The following CSAD variants were observed in gnomAD, a reference collection of about 807,000 sequenced individuals.
The protein encoded by CSAD is cysteine sulfinic acid decarboxylase.
In CSAD, 47 loss-of-function variants were observed where a neutral mutation model predicts 61.5. That is an observed-to-expected ratio of 0.76 (90% CI 0.60 to 0.97). CSAD has a LOEUF of 0.97. Among genes scored for constraint, CSAD ranks in the 50% least tolerant of loss-of-function variants. The probability of loss-of-function intolerance (pLI) is 0.00; values close to 1 mark genes in which losing one functional copy is unlikely to be tolerated. For missense variants in CSAD, 611 were observed against 643.6 expected, an observed-to-expected ratio of 0.95 and a Z score of 0.55; for synonymous variants, 245 against 252.7, an observed-to-expected ratio of 0.97 and a Z score of 0.29.
At chr12:53,180,454 G>A in intron 1 of CSAD, 1 of 1,189,642 alleles carries the variant, frequency 8.4e-7, no homozygotes, top group South Asian at 1.5e-5. Flanking sequence ...TCGAAGGGCC[G>A]AGGGTCCTGC....
At chr12:53,179,853 C>G (rs1941430851) in intron 1 of CSAD, 1 of 1,613,450 alleles carries the variant, frequency 6.2e-7, no homozygotes. Context: ...AGCAGGACCT[C>G]TCTCTAATGG....
chr12:53,180,592 C>G (rs1248954468), intron 1 of CSAD, 140 bp downstream of exon 1: 5 of 1,285,270 alleles, frequency 3.9e-6, no homozygotes, highest in Non-Finnish European at 5.1e-6. Flanking sequence ...CGTGCGTCCC[C>G]AAGCTCACCC....
Position 53,171,350 on chromosome 12 carries a change from G to C in CSAD, c.543C>G (p.Pro181=), listed in dbSNP as rs553179005. The C allele has an allele frequency of 5.0e-6, 8 of 1,613,964 alleles. No homozygotes were observed. The highest frequency in any genetic ancestry group is 5.9e-6 in the Non-Finnish European group (7 of 1,180,042). The change falls in exon 8 of 17, where the codon CCC becomes CCG. Residue 181 remains proline (P), a synonymous_variant. Coordinates refer to ENST00000444623, the MANE Select transcript of CSAD (RefSeq NM_001244705.2). ...CKQRGLRTLP[P]LALFTSKECH... is the part of the protein sequence containing the mutation. ...CCTCCTTCGATGTGAATAGGGCCAGGGGCGGCAGTGTGCGGAGGCCCCTCT... is the reference window on the plus strand; with the variant it reads ...CCTCCTTCGATGTGAATAGGGCCAGCGGCGGCAGTGTGCGGAGGCCCCTCT...
In CSAD at chr12:53,161,287, A is replaced by G. The variant is rs757648008; in HGVS notation, c.805T>C (p.Trp269Arg). 8.7e-6 allele frequency: 14 copies of G among 1,614,034 alleles called. No homozygotes were observed. In the South Asian group the frequency reaches 8.8e-5, roughly 10 times the overall value. ...GTCCCACTCACATCCACATGCAGCC[A>G]TAGCCCATGACGCTGGCACACATCA... ...IADVCQRHGL[W>R]LHVDAAWGGS... is the part of the protein sequence containing the mutation. The change falls in exon 11 of 17, where the codon TGG becomes CGG. Residue 269 changes from tryptophan to arginine, a missense_variant. Physicochemically the swap from Trp to Arg is moderately radical, Grantham distance 101 (BLOSUM62 -3). Coordinates refer to ENST00000444623, the MANE Select transcript of CSAD (RefSeq NM_001244705.2).
At chr12:53,173,798 AG>A (rs772963613) in intron 2 of CSAD, 28 bp from the exon 3 acceptor site, 1 of 1,611,820 alleles carries the variant, frequency 6.2e-7, no homozygotes, top group African/African-American at 1.3e-5. Flanking sequence ...AAGATGGCAG[AG>A]GAAGTGGGGT....
intron 1 of CSAD, 48 bp downstream of exon 1, chr12:53,180,684 G>A (rs759725970): frequency 7.8e-7 from 1 of 1,275,122 alleles, no homozygotes; most frequent in Admixed American, 2.4e-5. Flanking sequence ...AGGGGGAGGG[G>A]GAAGTGCTTC....
intron 9 of CSAD, 135 bp from the exon 10 acceptor site, chr12:53,170,261 G>A (rs983868549): frequency 2.0e-6 from 2 of 990,854 alleles, no homozygotes; most frequent in East Asian, 2.5e-5. Context: ...GGCAGAGGTG[G>A]GAGACGCTGG....
At chr12:53,177,605 C>T (rs80173054) in intron 2 of CSAD, among the ~76,000 whole-genome samples, 3,258 of 152,202 alleles carry the variant, frequency 0.021, 108 homozygotes, top group African/African-American at 0.074. Context: ...CCTAAGGCAA[C>T]AAAGCGTGGA....
chr12:53,171,586 C>A, intron 7 of CSAD, 145 bp from the exon 8 acceptor site: 1 of 758,740 alleles, frequency 1.3e-6, no homozygotes, highest in Non-Finnish European at 2.1e-6. Context: ...TCATACCATC[C>A]CAGAATGGAT....
intron 3 of CSAD, 102 bp downstream of exon 3, chr12:53,173,626 C>T (rs1940856494): frequency 1.3e-6 from 2 of 1,495,110 alleles, no homozygotes; most frequent in East Asian, 2.3e-5. Context: ...GTGAGAGTGC[C>T]CAGGGAGAAA....
At chr12:53,161,642 T>C (rs1939293304) in intron 10 of CSAD, among the ~76,000 whole-genome samples, 1 of 152,018 alleles carries the variant, frequency 6.6e-6, no homozygotes, top group Non-Finnish European at 1.5e-5. Context: ...ACTTGAATGT[T>C]TTACTGGAAG....
chr12:53,172,335 G>C lies in CSAD; in HGVS notation c.344+11C>G. 1 of 1,611,374 alleles carries C rather than the reference G, an allele frequency of 6.2e-7. No individual in the cohort carries two copies. Among genetic ancestry groups the C allele is most frequent in the Non-Finnish European group, 8.5e-7 (1 of 1,177,616 alleles). On this transcript the variant is annotated intron_variant, in intron 6 of 16. Coordinates refer to ENST00000444623, the MANE Select transcript of CSAD (RefSeq NM_001244705.2). ...CTTTGTGGGATGGTAGAGGGGCCTT[G>C]GGATGCTCACTGGCTGGTGTTGAGG...
In CSAD at chr12:53,170,506, T is replaced by G. The variant is rs747694060; in HGVS notation, c.568-4A>C. On this transcript the variant is annotated splice_polypyrimidine_tract_variant and splice_region_variant and intron_variant, in intron 8 of 16. Coordinates refer to ENST00000444623, the MANE Select transcript of CSAD (RefSeq NM_001244705.2). The stretch of plus-strand genomic sequence containing the variant: ...CCTTCTGGATGGAGTAGTGACACTG[T>G]GGGGGAAGGCAGAGGGCAAGTTAGC... 13 of 1,613,126 alleles carry G rather than the reference T, an allele frequency of 8.1e-6. No individual in the cohort carries two copies. The highest frequency in any genetic ancestry group is 1.1e-5 in the Non-Finnish European group (13 of 1,179,540).
At chr12:53,180,360 GA>G in intron 1 of CSAD, 2 of 985,358 alleles carry the variant, frequency 2.0e-6, no homozygotes, top group South Asian at 4.7e-5. Context: ...CCGCGAGGAA[GA>G]AAGAGTGACG....
rs916275664 is a variant in CSAD, at chr12:53,159,519, AC to A, written c.1308+103del. On this transcript the variant is annotated intron_variant, in intron 16 of 16. Coordinates refer to ENST00000444623, the MANE Select transcript of CSAD (RefSeq NM_001244705.2). ...GAGCATCCACGCCTCAGAGCAAGAG[AC>A]CAGCAAGGAGACCTGCCATGCCACT... is the stretch of plus-strand genomic sequence containing the variant. The A allele has an allele frequency of 2.7e-5, 24 of 892,528 alleles. No individual in the cohort carries two copies. The African/African-American group carries it at 3.8e-4, about 14-fold the overall frequency. 55.3% of individuals were successfully genotyped at this position (892,528 alleles called of 1,614,324 possible). A position where few individuals can be genotyped will look rare whatever the true frequency, so the allele number is the denominator to read the frequency against.
chr12:53,170,445 G>C lies in CSAD; in HGVS notation c.625C>G (p.Arg209Gly). 1 of 1,614,112 alleles carries C rather than the reference G, an allele frequency of 6.2e-7. No homozygotes were observed. Among genetic ancestry groups the C allele is most frequent in the Non-Finnish European group, 8.5e-7 (1 of 1,179,988 alleles). Residue 209 changes from arginine to glycine, a missense_variant, in exon 9 of 17, where the codon CGA becomes GGA. Physicochemically the swap from Arg to Gly is moderately radical, Grantham distance 125. Transcript: ENST00000444623. ...AFLGLGTDSV[R>G]VVKADERGKM... The stretch of plus-strand genomic sequence containing the variant: ...CACCTCTCATCAGCCTTGACCACTC[G>C]GACACTGTCGGTGCCAAGTCCCAGA...
intron 16 of CSAD, among the ~76,000 whole-genome samples, chr12:53,159,340 T>C (rs1675017603): frequency 6.6e-6 from 1 of 152,224 alleles, no homozygotes; most frequent in Admixed American, 6.5e-5. Flanking sequence ...CTGCCTCATA[T>C]CTGTCCTGGG....
chr12:53,179,546 G>C, intron 1 of CSAD: 2 of 506,134 alleles, frequency 4.0e-6, no homozygotes, highest in East Asian at 3.3e-5. Context: ...ACTTATTCCT[G>C]GTGATGTTTC....
chr12:53,163,039 C>A (rs577462510), intron 10 of CSAD, among the ~76,000 whole-genome samples: 4 of 145,216 alleles, frequency 2.8e-5, no homozygotes, highest in African/African-American at 1.0e-4. Context: ...TCAGCCTGGG[C>A]AACAAGAGCA....
Sources: allele counts gnomAD v4.1 joint callset (sites outside exome capture counted in the v4.1 genomes callset), GRCh38; gene constraint gnomAD v4.1.1; transcripts MANE v1.5; gene names NCBI Gene and HGNC (gene_info 2026-07-23, HGNC 2026-07-21).